Variants in AGO4 observed in about 807,000 individuals in gnomAD.
The protein encoded by AGO4 is protein argonaute-4.
In AGO4, 33 loss-of-function variants were observed where a neutral mutation model predicts 104.7. That is an observed-to-expected ratio of 0.32 (90% CI 0.24 to 0.42). AGO4 has a LOEUF of 0.42. Among genes scored for constraint, AGO4 ranks in the 10% least tolerant of loss-of-function variants. The probability of loss-of-function intolerance (pLI) is 1.00; values close to 1 mark genes in which losing one functional copy is unlikely to be tolerated. For synonymous variants in AGO4, 331 were observed against 364.7 expected, an observed-to-expected ratio of 0.91 and a Z score of 1.05; for missense variants, 711 against 1,083.4, an observed-to-expected ratio of 0.66 and a Z score of 4.83.
Position 35,826,825 on chromosome 1 carries a change from A to T in AGO4, c.838A>T (p.Ser280Cys). The part of the protein sequence containing the change: ...RVCNVTRRPA[S>C]HQTFPLQLEN... ...TTGTAATGTGACTAGACGGCCAGCCAGTCATCAAACGTATGTTAACCACAT... is the reference window on the plus strand; with the variant it reads ...TTGTAATGTGACTAGACGGCCAGCCTGTCATCAAACGTATGTTAACCACAT... Residue 280 changes from serine (S) to cysteine (C), a missense_variant, in exon 7 of 18, where the codon AGT becomes TGT. Transcript: ENST00000373210. The T allele has an allele frequency of 1.2e-6, 2 of 1,614,154 alleles. No homozygotes were observed. Among genetic ancestry groups the T allele is most frequent in the Non-Finnish European group, 1.7e-6 (2 of 1,179,986 alleles).
chr1:35,842,566 G>T (rs886543271), intron 15 of AGO4, among the ~76,000 whole-genome samples: 1 of 152,244 alleles, frequency 6.6e-6, no homozygotes, highest in Non-Finnish European at 1.5e-5. Flanking sequence ...ACTTTGGGAG[G>T]CTGAGGCGGG....
rs141717018 is a variant in AGO4, at chr1:35,821,819, C to A, written c.186-1043C>A. On this transcript the variant is annotated intron_variant, in intron 2 of 17. Coordinates refer to ENST00000373210, the MANE Select transcript of AGO4 (RefSeq NM_017629.4). Reference sequence around the variant, plus strand: ...GTTGACTTATTTGTGTATCATGGATCTTAGATTTACTGATCCTCAGATTTT... The same window carrying A: ...GTTGACTTATTTGTGTATCATGGATATTAGATTTACTGATCCTCAGATTTT... 5.7e-4 allele frequency among the ~76,000 whole-genome samples: 86 copies of A among 152,084 alleles called. No homozygotes were observed. The East Asian group carries it at 0.016, about 28-fold the overall frequency.
At chr1:35,812,321 A>G (rs1357936845) in intron 1 of AGO4, among the ~76,000 whole-genome samples, 2 of 152,230 alleles carry the variant, frequency 1.3e-5, no homozygotes, top group Non-Finnish European at 2.9e-5. Context: ...TTGCCAAGGA[A>G]AGGAGATACA....
At position 35,841,569 on chromosome 1, in the gene AGO4, T is replaced by A; in HGVS notation, c.2041-47T>A. 6.2e-7 allele frequency: 1 copy of A among 1,613,650 alleles called. No homozygotes were observed. The highest frequency in any genetic ancestry group is 8.5e-7 in the Non-Finnish European group (1 of 1,179,642). ...TACCATTCTGGGTAGATCTGAGAGA[T>A]ACTAGGCAAATTCTCAATTAAACAT... On this transcript the variant is annotated intron_variant, in intron 14 of 17. Transcript: ENST00000373210. This position sits in a 1 kb window ranked among gnomAD's most constrained non-coding sequence, Gnocchi z 4.7.
intron 13 of AGO4, among the ~76,000 whole-genome samples, chr1:35,840,775 G>A (rs1475867743): frequency 3.3e-5 from 5 of 152,148 alleles, no homozygotes; most frequent in African/African-American, 9.7e-5. Flanking sequence ...GCGCTGCCAC[G>A]CTGGGCTTTC....
At chr1:35,843,088 G>C (rs565752763) in intron 15 of AGO4, among the ~76,000 whole-genome samples, 2 of 151,780 alleles carry the variant, frequency 1.3e-5, no homozygotes, top group Non-Finnish European at 2.9e-5. Context: ...TTTTGAGACC[G>C]AGTTTTGCTC....
rs1333262236 is a variant in AGO4 at position 35,835,983 on chromosome 1, C to T, written c.1714C>T (p.Pro572Ser). Residue 572 changes from proline to serine, a missense_variant, in exon 13 of 18, where the codon CCT becomes TCT. By Grantham distance (74) the Pro-to-Ser change is moderately conservative. Transcript: ENST00000373210. The stretch of plus-strand genomic sequence containing the variant: ...TGGAGGAATTAACAATGTGCTTGTG[C>T]CTCATCAAAGGTAAGATTCTGAATG... ...KLGGINNVLV[P>S]HQRPSVFQQP... 6.2e-7 allele frequency: 1 copy of T among 1,611,746 alleles called. No individual in the cohort carries two copies. Among genetic ancestry groups the T allele is most frequent in the African/African-American group, 1.3e-5 (1 of 74,794 alleles).
chr1:35,829,021 GCC>G (rs34560714), intron 7 of AGO4, among the ~76,000 whole-genome samples: 15 of 143,468 alleles, frequency 1.0e-4, no homozygotes, highest in Non-Finnish European at 2.2e-4. Context: ...GTTACTCAGA[GCC>G]CCCCCCCCCA....
intron 13 of AGO4, among the ~76,000 whole-genome samples, chr1:35,837,712 T>C (rs1644348456): frequency 6.6e-6 from 1 of 151,922 alleles, no homozygotes; most frequent in South Asian, 2.1e-4. Context: ...ACCTGTTCAG[T>C]CCTTTGCTCA....
intron 7 of AGO4, 140 bp from the exon 8 acceptor site, chr1:35,831,287 G>A (rs922701174): frequency 1.7e-5 from 13 of 787,660 alleles, no homozygotes; most frequent in Middle Eastern, 4.0e-4. Flanking sequence ...CATTGAACCC[G>A]GGAGGCGGAG....
intron 7 of AGO4, 46 bp from the exon 8 acceptor site, chr1:35,831,381 G>T: frequency 6.5e-7 from 1 of 1,547,062 alleles, no homozygotes; most frequent in Non-Finnish European, 8.7e-7. Context: ...AAGAAGAAAA[G>T]AAAGAACTTG....
chr1:35,814,060 G>T (rs1571253901), intron 1 of AGO4, among the ~76,000 whole-genome samples: 1 of 147,884 alleles, frequency 6.8e-6, no homozygotes, highest in Non-Finnish European at 1.5e-5. Context: ...GGGCAACAGT[G>T]TGAGACTCCA....
In AGO4 at chr1:35,808,626, C is replaced by T. The variant is rs1244091011; in HGVS notation, c.19+191C>T. 1.3e-5 allele frequency among the ~76,000 whole-genome samples: 2 copies of T among 152,066 alleles called. No individual in the cohort carries two copies. Among genetic ancestry groups the T allele is most frequent in the South Asian group, 2.1e-4 (1 of 4,832 alleles). On this transcript the variant is annotated intron_variant, in intron 1 of 17. Transcript: ENST00000373210. The surrounding 1 kb of genome is among the most constrained non-coding windows in gnomAD (Gnocchi z 5.2). The stretch of plus-strand genomic sequence containing the variant: ...GGGCGGTGACCGCGCCCCAGCCGGC[C>T]GTTGGGTGGATCCCGAGGTCCAGGG...
Position 35,826,813 on chromosome 1 carries a change from A to T in AGO4, c.826A>T (p.Arg276Ter). 1 of 1,614,186 alleles carries T rather than the reference A, an allele frequency of 6.2e-7. No individual in the cohort carries two copies. Among genetic ancestry groups the T allele is most frequent in the Non-Finnish European group, 8.5e-7 (1 of 1,180,014 alleles). The change falls in exon 7 of 18, where the codon AGA (arginine) becomes TGA (stop). Residue 276 changes from arginine (R) to a stop codon, truncating the protein, a stop_gained. Transcript: ENST00000373210. LOFTEE classifies it high-confidence loss of function. The part of the protein sequence containing the change: ...KRKYRVCNVT[R>*]RPASHQTFPL... ...AAAATACCGAGTTTGTAATGTGACTAGACGGCCAGCCAGTCATCAAACGTA... is the reference window on the plus strand; with the variant it reads ...AAAATACCGAGTTTGTAATGTGACTTGACGGCCAGCCAGTCATCAAACGTA...
At chr1:35,813,336 G>A (rs1643570202) in intron 1 of AGO4, among the ~76,000 whole-genome samples, 1 of 151,878 alleles carries the variant, frequency 6.6e-6, no homozygotes, top group Non-Finnish European at 1.5e-5. Context: ...GTGAACCCGG[G>A]AGGCAGAGCT....
In AGO4 at chr1:35,853,746, A is replaced by G. The variant is rs959852740; in HGVS notation, c.*141A>G. The G allele has an allele frequency of 3.2e-6, 2 of 616,062 alleles. No homozygotes were observed. Among genetic ancestry groups the G allele is most frequent in the African/African-American group, 3.7e-5 (2 of 53,526 alleles). The allele number at this position is 616,062 out of a possible 1,614,324, so 38.2% of individuals were successfully genotyped here. ...CTCGGAATAGTTGCACTGAATCTAT[A>G]CTTTGCAGCACTGTCTGATGCGTCA... On this transcript the variant is annotated 3_prime_UTR_variant, in exon 18 of 18. Coordinates refer to ENST00000373210, the MANE Select transcript of AGO4 (RefSeq NM_017629.4).
chr1:35,823,430 AT>A (rs1304590514), intron 3 of AGO4, among the ~76,000 whole-genome samples: 1 of 150,178 alleles, frequency 6.7e-6, no homozygotes, highest in Non-Finnish European at 1.5e-5. Context: ...TTTTTATTTT[AT>A]TTTTTTCCTT....
intron 1 of AGO4, among the ~76,000 whole-genome samples, chr1:35,810,349 C>G (rs1643460735): frequency 6.6e-6 from 1 of 152,026 alleles, no homozygotes. Flanking sequence ...GAGAATCATC[C>G]CTGCTTCTTT....
chr1:35,838,714 T>C (rs1209884988), intron 13 of AGO4, among the ~76,000 whole-genome samples: 1 of 152,186 alleles, frequency 6.6e-6, no homozygotes, highest in Non-Finnish European at 1.5e-5. Flanking sequence ...TTGTTACGCA[T>C]GTGAATTTCT....
Sources: gnomAD v4.1 joint callset for allele counts (sites outside exome capture counted in the v4.1 genomes callset) on GRCh38, gnomAD v4.1.1 for gene constraint, Gnocchi (gnomAD v3.1) non-coding constraint, MANE v1.5 for transcripts, NCBI Gene and HGNC (gene_info 2026-07-23, HGNC 2026-07-21) for gene names.